GREB1L: variants seen among roughly 807,000 people sequenced by gnomAD.
GREB1L encodes GREB1 like retinoic acid receptor coactivator.
GREB1L carries 17 observed loss-of-function variants against 200.8 expected under a neutral mutation model. The ratio of observed to expected loss-of-function variants is 0.08; its 90% confidence interval spans 0.06 to 0.13. GREB1L has a LOEUF of 0.13. GREB1L is among the 10% of genes least tolerant of loss of function. The pLI is 1.00. For missense variants in GREB1L, 1,657 were observed against 2,367.7 expected (o/e 0.70, Z 6.23); for synonymous variants, 789 against 893.0 (o/e 0.88, Z 2.08).
In GREB1L at chr18:21,520,843, T is replaced by G; in HGVS notation, c.5608+20T>G. On this transcript the variant is annotated intron_variant, in intron 32 of 32. Coordinates refer to ENST00000424526, the MANE Select transcript of GREB1L (RefSeq NM_001142966.3). ...TAAAAGGTAAGTCAAATTTAGTATC[T>G]TGCTTGTAATTGCTATTGGTTCCCA... is the stretch of plus-strand genomic sequence containing the variant. The G allele has an allele frequency of 1.3e-6, 2 of 1,512,762 alleles. No individual in the cohort carries two copies. Among genetic ancestry groups the G allele is most frequent in the South Asian group, 2.5e-5 (2 of 78,620 alleles). 93.7% of individuals were successfully genotyped at this position (1,512,762 alleles called of 1,614,324 possible). A position where few individuals can be genotyped will look rare whatever the true frequency, so the allele number is the denominator to read the frequency against.
intron 28 of GREB1L, 122 bp from the exon 29 acceptor site, chr18:21,515,295 A>T: frequency 1.4e-6 from 1 of 702,526 alleles, no homozygotes; most frequent in African/African-American, 1.8e-5. Flanking sequence ...TGCTAATACG[A>T]AGTAAATCAG....
chr18:21,519,893 T>C (rs756115569), intron 31 of GREB1L, among the ~76,000 whole-genome samples: 2 of 152,062 alleles, frequency 1.3e-5, no homozygotes, highest in Admixed American at 1.3e-4. Flanking sequence ...AGAAGCCAGA[T>C]AGAACCAAAA....
At chr18:21,511,639 G>A (rs536417580) in intron 27 of GREB1L, among the ~76,000 whole-genome samples, 5 of 152,046 alleles carry the variant, frequency 3.3e-5, no homozygotes, top group Non-Finnish European at 4.4e-5. Flanking sequence ...TGACTATCAG[G>A]TTTTCCCAGC....
intron 4 of GREB1L, among the ~76,000 whole-genome samples, chr18:21,393,969 A>G (rs1011954752): frequency 6.6e-6 from 1 of 152,220 alleles, no homozygotes; most frequent in African/African-American, 2.4e-5. Flanking sequence ...AAGAATTCCA[A>G]AGAAAAGGTT....
At chr18:21,283,642 G>A (rs2038307446) in intron 1 of GREB1L, among the ~76,000 whole-genome samples, 1 of 152,196 alleles carries the variant, frequency 6.6e-6, no homozygotes, top group Non-Finnish European at 1.5e-5. Flanking sequence ...AGAAGGCTCT[G>A]GAAGTTCTCA....
intron 1 of GREB1L, among the ~76,000 whole-genome samples, chr18:21,334,344 A>G (rs2039152877): frequency 6.6e-6 from 1 of 152,182 alleles, no homozygotes; most frequent in Non-Finnish European, 1.5e-5. Flanking sequence ...TCTAAACTTT[A>G]TTATCAGTTC....
intron 1 of GREB1L, among the ~76,000 whole-genome samples, chr18:21,266,062 A>G (rs1427090196): frequency 2.6e-5 from 4 of 152,184 alleles, no homozygotes; most frequent in Non-Finnish European, 4.4e-5. Flanking sequence ...TGTTCATGCT[A>G]GTTTCCCAGC....
intron 2 of GREB1L, among the ~76,000 whole-genome samples, chr18:21,373,372 C>T (rs1458122025): frequency 6.6e-6 from 1 of 152,012 alleles, no homozygotes; most frequent in Non-Finnish European, 1.5e-5. Flanking sequence ...AGTTTTTTGT[C>T]ACCCACGCTG....
At chr18:21,261,383 A>G (rs1312213670) in intron 1 of GREB1L, among the ~76,000 whole-genome samples, 2 of 152,068 alleles carry the variant, frequency 1.3e-5, no homozygotes, top group African/African-American at 4.8e-5. Context: ...GCTTTATTTC[A>G]TAGTTGTTGT....
intron 1 of GREB1L, among the ~76,000 whole-genome samples, chr18:21,329,881 A>G (rs888248336): frequency 6.7e-6 from 1 of 148,184 alleles, no homozygotes; most frequent in Non-Finnish European, 1.5e-5. Context: ...CTCTTTCTTG[A>G]TTTCCAGATT....
chr18:21,376,410 C>G (rs1403465224), intron 2 of GREB1L, among the ~76,000 whole-genome samples: 1 of 149,826 alleles, frequency 6.7e-6, no homozygotes, highest in Admixed American at 6.7e-5. Context: ...GAATGAGCCA[C>G]CTGGCCTATT....
At chr18:21,352,390 TAATA>T (rs2039446570) in intron 1 of GREB1L, among the ~76,000 whole-genome samples, 1 of 151,896 alleles carries the variant, frequency 6.6e-6, no homozygotes, top group Non-Finnish European at 1.5e-5. Context: ...GCAATAATAA[TAATA>T]AATACAGGGC....
At chr18:21,360,478 G>A (rs1478289330) in intron 1 of GREB1L, among the ~76,000 whole-genome samples, 6 of 152,016 alleles carry the variant, frequency 3.9e-5, no homozygotes, top group Admixed American at 2.6e-4. Flanking sequence ...CACTCGCCTC[G>A]GCCTCCCAAA....
chr18:21,407,171 G>A (rs2030360931), intron 7 of GREB1L, among the ~76,000 whole-genome samples: 1 of 152,074 alleles, frequency 6.6e-6, no homozygotes, highest in Non-Finnish European at 1.5e-5. Context: ...ACCGCACCTG[G>A]CCTTCTCTTA....
intron 16 of GREB1L, 107 bp downstream of exon 16, chr18:21,473,318 C>T (rs1488025712): frequency 3.0e-5 from 24 of 809,170 alleles, no homozygotes; most frequent in Non-Finnish European, 4.3e-5. Context: ...ACCTGTAATC[C>T]CAACACTTTG....
chr18:21,402,861 C>T (rs1003142675), intron 6 of GREB1L, among the ~76,000 whole-genome samples: 7 of 151,744 alleles, frequency 4.6e-5, no homozygotes, highest in African/African-American at 1.7e-4. Flanking sequence ...TGAAAGAAGC[C>T]TCACGTTTAT....
intron 1 of GREB1L, among the ~76,000 whole-genome samples, chr18:21,309,275 A>C (rs554522443): frequency 6.6e-6 from 1 of 152,310 alleles, no homozygotes; most frequent in South Asian, 2.1e-4. Flanking sequence ...TTTTCCCTAC[A>C]TGGCTGTCAA....
At chr18:21,278,389 A>AAAAAAATAAAAT (rs750178610) in intron 1 of GREB1L, among the ~76,000 whole-genome samples, 1 of 125,610 alleles carries the variant, frequency 8.0e-6, no homozygotes, top group African/African-American at 3.2e-5. Context: ...TCAAAAAAAA[A>AAAAAAATAAAAT]AAATAAATAA....
chr18:21,502,691 C>T (rs1340559731), intron 23 of GREB1L, among the ~76,000 whole-genome samples: 2 of 152,158 alleles, frequency 1.3e-5, no homozygotes, highest in East Asian at 3.9e-4. Flanking sequence ...GTCGGGCCCA[C>T]CAGGTTGGCC....
Sources: allele counts gnomAD v4.1 joint callset (sites outside exome capture counted in the v4.1 genomes callset), GRCh38; gene constraint gnomAD v4.1.1; transcripts MANE v1.5; gene names NCBI Gene and HGNC (gene_info 2026-07-23, HGNC 2026-07-21).